The following PAM variants were observed in gnomAD, a reference collection of about 807,000 sequenced individuals.
PAM encodes the protein peptidylglycine alpha-amidating monooxygenase.
In PAM, 72 loss-of-function variants were observed where a neutral mutation model predicts 122.1. The observed-to-expected ratio is 0.59, with a 90% CI of 0.49 to 0.72. PAM has a LOEUF of 0.72. Ranked by LOEUF, PAM falls within the 30% of genes least tolerant of loss-of-function variation. PAM has a pLI of 0.00. For synonymous variants in PAM, 389 were observed against 404.4 expected (o/e 0.96, Z 0.46); for missense variants, 1,106 against 1,183.7 (o/e 0.93, Z 0.96).
At position 102,921,290 on chromosome 5, in the gene PAM, A is replaced by G. The variant is rs186049853; in HGVS notation, c.357-3667A>G. 3.4e-3 allele frequency among the ~76,000 whole-genome samples: 516 copies of G among 152,250 alleles called. 4 individuals are homozygous for G. Among genetic ancestry groups the G allele is most frequent in the Admixed American group, 9.3e-3 (142 of 15,284 alleles). Reference sequence around the variant, plus strand: ...CCTTAAGGCTCTCTTTACTAGTAAGAATAGTAAAAATCCCCTCTACTTCCA... The same window carrying G: ...CCTTAAGGCTCTCTTTACTAGTAAGGATAGTAAAAATCCCCTCTACTTCCA... On this transcript the variant is annotated intron_variant, in intron 5 of 25. Coordinates refer to ENST00000438793, the MANE Select transcript of PAM (RefSeq NM_001177306.2).
At chr5:102,878,126 CTG>C (rs1789801807) in intron 3 of PAM, among the ~76,000 whole-genome samples, 1 of 152,002 alleles carries the variant, frequency 6.6e-6, no homozygotes, top group South Asian at 2.1e-4. Context: ...AAATATCCCT[CTG>C]TAAGATATTT....
rs139901233 is a variant in PAM, at chr5:102,876,019, A to G, written c.210+8626A>G. Among the ~76,000 whole-genome samples, 30 of 152,328 alleles carry G rather than the reference A, an allele frequency of 2.0e-4. No homozygotes were observed. The East Asian group carries it at 5.6e-3, about 28-fold the overall frequency. Reference sequence around the variant, plus strand: ...TTCCTTAGTTACCTATTCAGTTTTCATGAGTAAATGATTATAAACAAGAGT... The same window carrying G: ...TTCCTTAGTTACCTATTCAGTTTTCGTGAGTAAATGATTATAAACAAGAGT... On this transcript the variant is annotated intron_variant, in intron 3 of 25. Coordinates refer to ENST00000438793, the MANE Select transcript of PAM (RefSeq NM_001177306.2).
chr5:102,867,129 A>G (rs1785845243), intron 2 of PAM, 144 bp from the exon 3 acceptor site: 1 of 521,332 alleles, frequency 1.9e-6, no homozygotes, highest in Non-Finnish European at 3.4e-6. Flanking sequence ...GTTTACGAAC[A>G]TTGTGTAGTC....
At chr5:102,897,900 G>C (rs1473281528) in intron 3 of PAM, among the ~76,000 whole-genome samples, 1 of 151,520 alleles carries the variant, frequency 6.6e-6, no homozygotes, top group Non-Finnish European at 1.5e-5. Flanking sequence ...GATTTTGTTT[G>C]TCTCATAATA....
chr5:102,935,042 T>C (rs1196872541), intron 7 of PAM, among the ~76,000 whole-genome samples: 1 of 152,162 alleles, frequency 6.6e-6, no homozygotes, highest in African/African-American at 2.4e-5. Context: ...TTTTCCTCTT[T>C]TGGAAAATAT....
At chr5:103,022,424 C>T (rs1783819776) in intron 23 of PAM, among the ~76,000 whole-genome samples, 1 of 152,062 alleles carries the variant, frequency 6.6e-6, no homozygotes, top group Non-Finnish European at 1.5e-5. Flanking sequence ...CTAGACTTCT[C>T]TTCTGTTAGG....
At chr5:103,002,755 C>T (rs1017690854) in intron 16 of PAM, among the ~76,000 whole-genome samples, 1 of 152,168 alleles carries the variant, frequency 6.6e-6, no homozygotes, top group Non-Finnish European at 1.5e-5. Context: ...ATAGGAACCA[C>T]CCAAGGGTCT....
intron 7 of PAM, among the ~76,000 whole-genome samples, chr5:102,938,527 T>G (rs1292387611): frequency 6.6e-6 from 1 of 152,160 alleles, no homozygotes; most frequent in Non-Finnish European, 1.5e-5. Context: ...TACATGCAAT[T>G]TAGTTTTTCA....
chr5:102,927,348 A>G (rs1187194315), intron 7 of PAM, among the ~76,000 whole-genome samples: 4 of 152,226 alleles, frequency 2.6e-5, no homozygotes, highest in Non-Finnish European at 5.9e-5. Context: ...CATTTAGTCA[A>G]ACTCCAACTG....
intron 1 of PAM, among the ~76,000 whole-genome samples, chr5:102,770,511 G>A (rs1755449065): frequency 2.6e-5 from 4 of 151,934 alleles, no homozygotes; most frequent in Admixed American, 2.0e-4. Context: ...TGTCACATAT[G>A]GCTTTTATTA....
At chr5:103,002,876 G>T (rs1777813570) in intron 16 of PAM, among the ~76,000 whole-genome samples, 157 bp from the exon 17 acceptor site, 2 of 152,124 alleles carry the variant, frequency 1.3e-5, no homozygotes, top group Non-Finnish European at 2.9e-5. Context: ...GGTTAATGGG[G>T]TATATTATAA....
At chr5:102,774,449 GT>G (rs754523674) in intron 1 of PAM, among the ~76,000 whole-genome samples, 6 of 152,054 alleles carry the variant, frequency 3.9e-5, no homozygotes, top group Admixed American at 1.3e-4. Flanking sequence ...TTCTGTGTCA[GT>G]TTTTTCATAT....
intron 1 of PAM, among the ~76,000 whole-genome samples, chr5:102,761,989 G>T (rs1005423929): frequency 2.6e-5 from 4 of 152,232 alleles, no homozygotes; most frequent in African/African-American, 9.6e-5. Flanking sequence ...TTGTATAAAG[G>T]TAGAGTCCCT....
intron 14 of PAM, among the ~76,000 whole-genome samples, chr5:102,965,162 G>GACACACAC (rs66633444): frequency 0.025 from 3,489 of 138,732 alleles, 62 homozygotes; most frequent in African/African-American, 0.053. Context: ...TTCCAAAGCA[G>GACACACAC]ACACACACAC....
chr5:102,995,766 A>AT (rs940379769), intron 16 of PAM, among the ~76,000 whole-genome samples: 13 of 151,626 alleles, frequency 8.6e-5, no homozygotes, highest in African/African-American at 1.7e-4. Context: ...GTCATACTGA[A>AT]TTTTTTTTGT....
chr5:102,830,756 T>C (rs1014533094), intron 1 of PAM, among the ~76,000 whole-genome samples: 1 of 152,202 alleles, frequency 6.6e-6, no homozygotes, highest in African/African-American at 2.4e-5. Flanking sequence ...TGGTATGCTG[T>C]CTAGATTGCT....
rs1783856562 is a variant in PAM, at chr5:102,860,429, G to T, written c.-373-5394G>T. 1.3e-5 allele frequency among the ~76,000 whole-genome samples: 2 copies of T among 152,140 alleles called. 1 individual carries two copies. The highest frequency in any genetic ancestry group is 4.1e-4 in the South Asian group (2 of 4,824). ...CAAAGGATGATAGGAATATGTCAAA[G>T]GCTAGCACTTTGGAAGGGCGAGGTG... On this transcript the variant is annotated intron_variant, in intron 1 of 25. Coordinates refer to ENST00000438793, the MANE Select transcript of PAM (RefSeq NM_001177306.2).
In PAM at chr5:102,833,175, T is replaced by G. The variant is rs747933277; in HGVS notation, c.-373-32648T>G. On this transcript the variant is annotated intron_variant, in intron 1 of 25. Coordinates refer to ENST00000438793, the MANE Select transcript of PAM (RefSeq NM_001177306.2). ...AGCTGAGGACCCTAAGGGCAAATTT[T>G]GTGCACATCATATCTTTGCCAGTAG... 9.2e-5 allele frequency among the ~76,000 whole-genome samples: 14 copies of G among 152,142 alleles called. 1 individual carries two copies. Among genetic ancestry groups the G allele is most frequent in the Non-Finnish European group, 1.5e-5 (1 of 68,008 alleles).
At chr5:103,022,855 T>A (rs1163476104) in intron 23 of PAM, among the ~76,000 whole-genome samples, 2 of 152,158 alleles carry the variant, frequency 1.3e-5, no homozygotes, top group South Asian at 2.1e-4. Context: ...CTTAGACTCT[T>A]AAGTTATAAC....
Sources: gnomAD v4.1 joint callset for allele counts (sites outside exome capture counted in the v4.1 genomes callset) on GRCh38, gnomAD v4.1.1 for gene constraint, MANE v1.5 for transcripts, NCBI Gene and HGNC (gene_info 2026-07-23, HGNC 2026-07-21) for gene names.